Variants in PRMT7 observed in about 807,000 individuals in gnomAD.
The protein encoded by PRMT7 is protein arginine methyltransferase 7, also known as protein arginine N-methyltransferase 7.
In PRMT7, 75 loss-of-function variants were observed where a neutral mutation model predicts 85.4. The observed-to-expected ratio is 0.88, with a 90% confidence interval of 0.73 to 1.06. The LOEUF (loss-of-function observed/expected upper bound fraction) is 1.06. Ranked by LOEUF, PRMT7 falls within the 50% of genes least tolerant of loss-of-function variation. The pLI is 0.00. For missense variants in PRMT7, 868 were observed against 915.2 expected (o/e 0.95, Z 0.67); for synonymous variants, 397 against 359.5 (o/e 1.10, Z -1.18).
At chr16:68,350,996 T>C (rs558018071) in intron 14 of PRMT7, among the ~76,000 whole-genome samples, 1 of 152,378 alleles carries the variant, frequency 6.6e-6, no homozygotes, top group South Asian at 2.1e-4. Flanking sequence ...CTCCTACTTT[T>C]GGGCTGTTGT....
intron 2 of PRMT7, 168 bp from the exon 3 acceptor site, chr16:68,315,729 C>T (rs1436911234): frequency 1.1e-5 from 5 of 465,900 alleles, no homozygotes; most frequent in South Asian, 6.6e-5. Flanking sequence ...TTTACAATAT[C>T]GATTAACAAA....
rs1279588623 is a variant in PRMT7 at position 68,358,045 on chromosome 16, C to T, written c.*821C>T. The T allele has an allele frequency of 1.3e-5, 2 of 152,396 alleles. No homozygotes were observed. The highest frequency in any genetic ancestry group is 1.3e-4 in the Admixed American group (2 of 15,296). 9.4% of individuals were successfully genotyped at this position (152,396 alleles called of 1,614,324 possible). A position where few individuals can be genotyped will look rare whatever the true frequency, so the allele number is the denominator to read the frequency against. ...CAGTAGGTGCCGTGGCCTTGCTTCTCTCACACACTAACCCCCCTTTGGTTA... is the reference window on the plus strand; with the variant it reads ...CAGTAGGTGCCGTGGCCTTGCTTCTTTCACACACTAACCCCCCTTTGGTTA... On this transcript the variant is annotated 3_prime_UTR_variant, in exon 19 of 19. Transcript: ENST00000441236.
chr16:68,334,077 G>A (rs185416410), intron 6 of PRMT7, among the ~76,000 whole-genome samples: 12 of 152,192 alleles, frequency 7.9e-5, no homozygotes, highest in African/African-American at 2.7e-4. Flanking sequence ...GGCCAATTTC[G>A]TAATACTTTT....
At chr16:68,335,458 AT>A (rs1187267756) in intron 6 of PRMT7, among the ~76,000 whole-genome samples, 1 of 151,934 alleles carries the variant, frequency 6.6e-6, no homozygotes, top group African/African-American at 2.4e-5. Flanking sequence ...TTGGAGTTTG[AT>A]GTGACATCAG....
chr16:68,331,527 G>A (rs572269328), intron 6 of PRMT7, among the ~76,000 whole-genome samples: 54 of 151,002 alleles, frequency 3.6e-4, no homozygotes, highest in African/African-American at 1.2e-3. Flanking sequence ...GAGTGCAGGG[G>A]TGTGAGCATG....
intron 5 of PRMT7, among the ~76,000 whole-genome samples, chr16:68,326,766 A>G (rs2083172139): frequency 6.6e-6 from 1 of 152,114 alleles, no homozygotes; most frequent in Non-Finnish European, 1.5e-5. Context: ...CACAGAATGG[A>G]TGTCGGGAGG....
At chr16:68,325,146 C>T (rs938225671) in intron 5 of PRMT7, among the ~76,000 whole-genome samples, 1 of 151,522 alleles carries the variant, frequency 6.6e-6, no homozygotes, top group Admixed American at 6.6e-5. Flanking sequence ...TTGCTTGAGC[C>T]CAGGAGTTTG....
intron 6 of PRMT7, among the ~76,000 whole-genome samples, chr16:68,335,599 T>TA (rs1397404214): frequency 1.3e-5 from 2 of 151,670 alleles, no homozygotes; most frequent in African/African-American, 4.9e-5. Context: ...TTTTTTTTTT[T>TA]ATCTTCATCA....
At position 68,355,813 on chromosome 16, in the gene PRMT7, C is replaced by T; in HGVS notation, c.1741C>T (p.Leu581=). ...CAGCCTCTCCGAGCCCTGGCAGATC[C>T]TGACCTTTGACTTCCAGCAGCCGGT... is the stretch of plus-strand genomic sequence containing the variant. ...CRSLSEPWQI[L]TFDFQQPVPL... Residue 581 remains leucine, a synonymous_variant, in exon 17 of 19, where the codon CTG becomes TTG. Transcript: ENST00000441236. 1 of 1,611,624 alleles carries T rather than the reference C, an allele frequency of 6.2e-7. No individual in the cohort carries two copies. The highest frequency in any genetic ancestry group is 8.5e-7 in the Non-Finnish European group (1 of 1,179,468).
chr16:68,324,111 T>A (rs1420584840), intron 4 of PRMT7: 1 of 153,038 alleles, frequency 6.5e-6, no homozygotes, highest in Non-Finnish European at 1.5e-5. Context: ...AACCTAACAG[T>A]AGAGATTGCA....
chr16:68,311,220 C>T (rs1356098035), intron 1 of PRMT7, 121 bp downstream of exon 1: 3 of 521,130 alleles, frequency 5.8e-6, no homozygotes, highest in Non-Finnish European at 1.0e-5. Flanking sequence ...TTGGACTCCT[C>T]CGCGTGGGGC....
chr16:68,328,168 AC>A, intron 5 of PRMT7: 1 of 283,404 alleles, frequency 3.5e-6, no homozygotes, highest in Non-Finnish European at 7.8e-6. Context: ...CTTCTGACCA[AC>A]CCCAGCTTCA....
chr16:68,357,145 C>T lies in PRMT7; in HGVS notation c.2000C>T (p.Thr667Ile). The change falls in exon 19 of 19, where the codon ACT becomes ATT. Residue 667 changes from threonine (T) to isoleucine (I), a missense_variant. Coordinates refer to ENST00000441236, the MANE Select transcript of PRMT7 (RefSeq NM_019023.5). ...DPRALLGGPR[T>I]VSYAVEFHPD... is the part of the protein sequence containing the mutation. ...AGAGCACTGCTGGGTGGCCCACGGACTGTCAGCTATGCAGTGGAGTTTCAC... is the reference window on the plus strand; with the variant it reads ...AGAGCACTGCTGGGTGGCCCACGGATTGTCAGCTATGCAGTGGAGTTTCAC... The T allele has an allele frequency of 6.2e-7, 1 of 1,614,030 alleles. No individual in the cohort carries two copies. The highest frequency in any genetic ancestry group is 8.5e-7 in the Non-Finnish European group (1 of 1,180,036).
rs1014171090 is a variant in PRMT7, at chr16:68,352,382, G to C, written c.1548G>C (p.Ser516=). ...PGAMVMPQAA[S]LHAVVVEFRD... ...CCATGGTGATGCCCCAGGCAGCCTC[G>C]CTGCACGCTGTGGTTGTGGAGTTCA... Residue 516 remains serine (S), a synonymous_variant, in exon 15 of 19, where the codon TCG becomes TCC. Coordinates refer to ENST00000441236, the MANE Select transcript of PRMT7 (RefSeq NM_019023.5). 1.2e-6 allele frequency: 2 copies of C among 1,607,450 alleles called. No homozygotes were observed. Among genetic ancestry groups the C allele is most frequent in the East Asian group, 2.2e-5 (1 of 44,872 alleles).
At chr16:68,338,791 G>A (rs1022552102) in intron 7 of PRMT7, among the ~76,000 whole-genome samples, 1 of 152,164 alleles carries the variant, frequency 6.6e-6, no homozygotes, top group Non-Finnish European at 1.5e-5. Context: ...TGCTCTTGCC[G>A]GGTCCCTATT....
intron 6 of PRMT7, 32 bp from the exon 7 acceptor site, chr16:68,337,427 T>G (rs765665010): frequency 1.5e-5 from 22 of 1,490,012 alleles, no homozygotes; most frequent in Non-Finnish European, 1.7e-5. Context: ...GTCTGTTGCT[T>G]ATGTCCAACT....
At chr16:68,346,058 A>C in intron 10 of PRMT7, 87 bp from the exon 11 acceptor site, 1 of 1,581,152 alleles carries the variant, frequency 6.3e-7, no homozygotes, top group African/African-American at 1.3e-5. Flanking sequence ...CCTCATGCCT[A>C]CTGGAGACCA....
chr16:68,346,176 C>G lies in PRMT7; in HGVS notation c.1087C>G (p.Arg363Gly), dbSNP rs762020291. ...PEKNERVRQM[R>G]PVCDCQAHLL... The stretch of plus-strand genomic sequence containing the variant: ...AAAGAATGAGAGAGTCCGCCAGATG[C>G]GCCCCGTGTGTGACTGCCAGGCTCA... Residue 363 changes from arginine (R) to glycine (G), a missense_variant, in exon 11 of 19, where the codon CGC becomes GGC. By Grantham distance (125) the Arg-to-Gly change is moderately radical (BLOSUM62 -2). Coordinates refer to ENST00000441236, the MANE Select transcript of PRMT7 (RefSeq NM_019023.5). 2.5e-6 allele frequency: 4 copies of G among 1,614,068 alleles called. No individual in the cohort carries two copies. The highest frequency in any genetic ancestry group is 2.2e-5 in the East Asian group (1 of 44,874).
chr16:68,342,860 C>T (rs536367646), intron 9 of PRMT7, among the ~76,000 whole-genome samples: 13 of 152,200 alleles, frequency 8.5e-5, no homozygotes, highest in Admixed American at 2.0e-4. Flanking sequence ...AGATTGGCAC[C>T]GCGTCACATT....
Sources: gnomAD v4.1 joint callset for allele counts (sites outside exome capture counted in the v4.1 genomes callset) on GRCh38, gnomAD v4.1.1 for gene constraint, MANE v1.5 for transcripts, NCBI Gene and HGNC (gene_info 2026-07-23, HGNC 2026-07-21) for gene names.